MARCHF4: variants seen among roughly 807,000 people sequenced by gnomAD.
MARCHF4 encodes membrane associated ring-CH-type finger 4, also known as E3 ubiquitin-protein ligase MARCHF4.
In MARCHF4, 14 loss-of-function variants were observed where a neutral mutation model predicts 43.9. The ratio of observed to expected loss-of-function variants is 0.32; its 90% CI spans 0.21 to 0.50. MARCHF4 has a LOEUF of 0.50. Among genes scored for constraint, MARCHF4 ranks in the 20% least tolerant of loss-of-function variants. The probability of loss-of-function intolerance (pLI) is 0.98; values close to 1 mark genes in which losing one functional copy is unlikely to be tolerated. For missense variants in MARCHF4, 468 were observed against 536.7 expected (o/e 0.87, Z 1.27); for synonymous variants, 226 against 213.3 (o/e 1.06, Z -0.52).
At position 216,258,693 on chromosome 2, in the gene MARCHF4, C is replaced by T. The variant is rs1006622264; in HGVS notation, c.*619G>A. 1 of 152,708 alleles carries T rather than the reference C, an allele frequency of 6.5e-6. No individual in the cohort carries two copies. The highest frequency in any genetic ancestry group is 2.4e-5 in the African/African-American group (1 of 41,438). 9.5% of individuals were successfully genotyped at this position (152,708 alleles called of 1,614,324 possible). ...CCTTCAGGAAGGAGACACACTCTCC[C>T]TCTGGCTGCTCACACCAGCATATCC... On this transcript the variant is annotated 3_prime_UTR_variant, in exon 4 of 4. Transcript: ENST00000273067.
chr2:216,354,913 T>TTCTTTCTTTCTG, intron 1 of MARCHF4, among the ~76,000 whole-genome samples: 1 of 96,752 alleles, frequency 1.0e-5, no homozygotes, highest in Non-Finnish European at 2.1e-5. Flanking sequence ...CTTTCTTTCT[T>TTCTTTCTTTCTG]TCTTTCTTTC....
chr2:216,283,956 G>A (rs1691178148), intron 1 of MARCHF4, among the ~76,000 whole-genome samples: 1 of 152,146 alleles, frequency 6.6e-6, no homozygotes, highest in Non-Finnish European at 1.5e-5. Flanking sequence ...CCCTGCTACT[G>A]CTTGATACAG....
intron 3 of MARCHF4, among the ~76,000 whole-genome samples, chr2:216,274,136 C>A (rs565142913): frequency 6.6e-6 from 1 of 152,320 alleles, no homozygotes; most frequent in Admixed American, 6.5e-5. Flanking sequence ...TCTGCGGGAA[C>A]CCTGGAAATG....
chr2:216,310,386 C>T (rs986194641), intron 1 of MARCHF4, among the ~76,000 whole-genome samples: 54 of 152,076 alleles, frequency 3.6e-4, no homozygotes, highest in Non-Finnish European at 8.8e-5. Flanking sequence ...CTCAGCCTCC[C>T]GAGTAGCTGG....
chr2:216,290,676 A>T lies in MARCHF4; in HGVS notation c.517-6947T>A, dbSNP rs561586695. Among the ~76,000 whole-genome samples, 7 of 152,316 alleles carry T rather than the reference A, an allele frequency of 4.6e-5. No homozygotes were observed. In the East Asian group the frequency reaches 1.3e-3, roughly 29 times the overall value. ...GTGAGTCACGATGGTGTTTTGGACC[A>T]CTATTGTAGCAGAGGAAGTCCTGAG... On this transcript the variant is annotated intron_variant, in intron 1 of 3. Transcript: ENST00000273067.
chr2:216,302,051 C>A (rs529866752), intron 1 of MARCHF4, among the ~76,000 whole-genome samples: 6 of 152,268 alleles, frequency 3.9e-5, no homozygotes, highest in African/African-American at 1.4e-4. Context: ...AAAACGCAAG[C>A]AAAATCATTG....
intron 1 of MARCHF4, among the ~76,000 whole-genome samples, chr2:216,356,128 G>GT (rs1692498378): frequency 1.3e-5 from 2 of 152,360 alleles, no homozygotes; most frequent in Non-Finnish European, 2.9e-5. Flanking sequence ...TTCCTTCAGT[G>GT]TGCGAAGGCA....
At chr2:216,330,706 C>CA (rs571344574) in intron 1 of MARCHF4, among the ~76,000 whole-genome samples, 2 of 151,788 alleles carry the variant, frequency 1.3e-5, no homozygotes, top group African/African-American at 4.8e-5. Flanking sequence ...AAATCAATAA[C>CA]AAAAAAACCC....
intron 1 of MARCHF4, among the ~76,000 whole-genome samples, chr2:216,325,255 A>C (rs1389823922): frequency 5.9e-5 from 9 of 152,174 alleles, no homozygotes; most frequent in Non-Finnish European, 8.8e-5. Context: ...ATCCAACTTA[A>C]AAGGGATGTG....
chr2:216,273,757 C>A (rs1216078088), intron 3 of MARCHF4, among the ~76,000 whole-genome samples: 2 of 152,184 alleles, frequency 1.3e-5, no homozygotes, highest in African/African-American at 4.8e-5. Context: ...TTGTTTCCGC[C>A]TTCGTGCAGC....
chr2:216,344,031 C>G (rs988064295), intron 1 of MARCHF4, among the ~76,000 whole-genome samples: 8 of 152,028 alleles, frequency 5.3e-5, no homozygotes, highest in African/African-American at 1.9e-4. Flanking sequence ...GGAGAGGGGA[C>G]TGATGGGAAC....
chr2:216,365,555 G>A (rs1012058790), intron 1 of MARCHF4, among the ~76,000 whole-genome samples: 1 of 152,176 alleles, frequency 6.6e-6, no homozygotes, highest in Admixed American at 6.5e-5. Flanking sequence ...GTGTGGGGGT[G>A]GGGGACACAT....
At chr2:216,263,921 G>A (rs1347471188) in intron 3 of MARCHF4, among the ~76,000 whole-genome samples, 5 of 152,166 alleles carry the variant, frequency 3.3e-5, no homozygotes, top group Non-Finnish European at 7.3e-5. Context: ...TGCAGAGAGT[G>A]AGGCTGCCAG....
chr2:216,305,805 C>T (rs1691577573), intron 1 of MARCHF4, among the ~76,000 whole-genome samples: 1 of 152,200 alleles, frequency 6.6e-6, no homozygotes, highest in Non-Finnish European at 1.5e-5. Flanking sequence ...GGCTGATTGT[C>T]CTTGCCAACC....
In MARCHF4 at chr2:216,369,794, C is replaced by A. The variant is rs1239063951; in HGVS notation, c.467G>T (p.Ser156Ile). ...GCGGCAGAGTGGGGTCCTCATACCA[C>A]TGTCCAAGCTGCTGCCCAGTGAGTA... ...DRYSLGSSLD[S>I]GMRTPLCRIC... The change falls in exon 1 of 4, where the codon AGT becomes ATT. Residue 156 changes from serine (S) to isoleucine (I), a missense_variant. Physicochemically the swap from Ser to Ile is moderately radical, Grantham distance 142 (BLOSUM62 -2). Around this residue, in one of 3 missense-constraint regions of MARCHF4, gnomAD observed 158 missense variants for 251.1 expected, o/e 0.63. Transcript: ENST00000273067. 1.9e-6 allele frequency: 3 copies of A among 1,612,106 alleles called. No individual in the cohort carries two copies. In the African/African-American group the frequency reaches 4.0e-5, roughly 22 times the overall value.
intron 1 of MARCHF4, among the ~76,000 whole-genome samples, chr2:216,367,090 C>A (rs1322925990): frequency 6.6e-6 from 1 of 152,116 alleles, no homozygotes; most frequent in Non-Finnish European, 1.5e-5. Context: ...AGTCGTTTAG[C>A]CCCTATAGCA....
chr2:216,368,610 A>T (rs1209561279), intron 1 of MARCHF4, among the ~76,000 whole-genome samples: 1 of 152,254 alleles, frequency 6.6e-6, no homozygotes, highest in African/African-American at 2.4e-5. Context: ...AGCAAGAACC[A>T]GAGCCAGTCA....
chr2:216,274,724 C>T (rs1559087043), intron 3 of MARCHF4, among the ~76,000 whole-genome samples: 1 of 152,184 alleles, frequency 6.6e-6, no homozygotes, highest in South Asian at 2.1e-4. Context: ...CTGTGGACAG[C>T]CTTTCCTATG....
chr2:216,324,675 A>G (rs1691958748), intron 1 of MARCHF4, among the ~76,000 whole-genome samples: 1 of 149,652 alleles, frequency 6.7e-6, no homozygotes, highest in South Asian at 2.1e-4. Context: ...GCAAATCAAT[A>G]AATGTAATCC....
Sources: allele counts gnomAD v4.1 joint callset (sites outside exome capture counted in the v4.1 genomes callset), GRCh38; gene constraint gnomAD v4.1.1; regional missense constraint gnomAD v4.1.1; transcripts MANE v1.5; gene names NCBI Gene and HGNC (gene_info 2026-07-23, HGNC 2026-07-21).